MTPN: variants seen among roughly 807,000 people sequenced by gnomAD.
MTPN encodes the protein myotrophin.
MTPN carries 2 observed loss-of-function variants against 13.5 expected under a neutral mutation model. The ratio of observed to expected loss-of-function variants is 0.15; its 90% CI spans 0.06 to 0.47. The LOEUF (loss-of-function observed/expected upper bound fraction) is 0.47, where lower values mean the gene tolerates loss of function less well. Ranked by LOEUF, MTPN falls within the 20% of genes least tolerant of loss-of-function variation. MTPN has a pLI of 0.97. For synonymous variants in MTPN, 46 were observed against 51.7 expected, an observed-to-expected ratio of 0.89 and a Z score of 0.48; for missense variants, 79 against 137.9, an observed-to-expected ratio of 0.57 and a Z score of 2.14.
chr7:135,946,292 CTT>C (rs772746934), intron 3 of MTPN, among the ~76,000 whole-genome samples: 11 of 152,256 alleles, frequency 7.2e-5, no homozygotes, highest in Non-Finnish European at 1.3e-4. Flanking sequence ...CCTATAAACT[CTT>C]GTTTGGCTAC....
At chr7:135,971,643 G>A (rs1799694976) in intron 1 of MTPN, among the ~76,000 whole-genome samples, 1 of 152,024 alleles carries the variant, frequency 6.6e-6, no homozygotes, top group Non-Finnish European at 1.5e-5. Flanking sequence ...CTAAAATGGG[G>A]TTAACATTAT....
chr7:135,942,838 C>T (rs1799235508), intron 3 of MTPN, among the ~76,000 whole-genome samples: 1 of 152,126 alleles, frequency 6.6e-6, no homozygotes, highest in South Asian at 2.1e-4. Context: ...GTGTGTGGCA[C>T]CCCAGCACAT....
chr7:135,974,324 G>C (rs567041601), intron 1 of MTPN, among the ~76,000 whole-genome samples: 1 of 152,188 alleles, frequency 6.6e-6, no homozygotes, highest in South Asian at 2.1e-4. Context: ...CCAGAAGATC[G>C]CTTGAGGCTA....
chr7:135,937,684 A>G (rs1187740161), intron 3 of MTPN, among the ~76,000 whole-genome samples: 1 of 152,166 alleles, frequency 6.6e-6, no homozygotes, highest in Non-Finnish European at 1.5e-5. Flanking sequence ...AATTATAAGC[A>G]GATATTTTTC....
At chr7:135,961,761 T>C (rs1173845971) in intron 1 of MTPN, among the ~76,000 whole-genome samples, 2 of 151,788 alleles carry the variant, frequency 1.3e-5, no homozygotes, top group Non-Finnish European at 2.9e-5. Context: ...AAAAGCAAAA[T>C]ATGAAAATGT....
intron 3 of MTPN, among the ~76,000 whole-genome samples, chr7:135,943,797 G>T (rs1799247631): frequency 6.6e-6 from 1 of 152,144 alleles, no homozygotes; most frequent in South Asian, 2.1e-4. Context: ...AGAAAAAAAG[G>T]AAAACAAAAA....
intron 1 of MTPN, among the ~76,000 whole-genome samples, chr7:135,965,905 T>C (rs1033567410): frequency 5.9e-5 from 9 of 152,088 alleles, no homozygotes; most frequent in African/African-American, 2.2e-4. Context: ...CAAATACCAA[T>C]TAAATACAAA....
At chr7:135,974,209 G>A (rs1799738883) in intron 1 of MTPN, among the ~76,000 whole-genome samples, 1 of 152,112 alleles carries the variant, frequency 6.6e-6, no homozygotes, top group Admixed American at 6.5e-5. Flanking sequence ...GTAGAAAAGT[G>A]TAATTACTGA....
At chr7:135,944,000 G>T (rs1799250774) in intron 3 of MTPN, among the ~76,000 whole-genome samples, 1 of 152,044 alleles carries the variant, frequency 6.6e-6, no homozygotes, top group Admixed American at 6.5e-5. Flanking sequence ...TCATGCTGGG[G>T]TATAACTTTT....
At chr7:135,946,477 G>A (rs1799290454) in intron 3 of MTPN, among the ~76,000 whole-genome samples, 1 of 113,538 alleles carries the variant, frequency 8.8e-6, no homozygotes, top group African/African-American at 3.4e-5. Context: ...GCAGGGGTTG[G>A]CAAACATGGC....
At chr7:135,939,110 C>A (rs1416290985) in intron 3 of MTPN, among the ~76,000 whole-genome samples, 1 of 152,110 alleles carries the variant, frequency 6.6e-6, no homozygotes, top group African/African-American at 2.4e-5. Flanking sequence ...TGTCCAAGAG[C>A]GGAGGATCTG....
At chr7:135,951,727 G>C (rs1799366366) in intron 1 of MTPN, 97 bp from the exon 2 acceptor site, 1 of 693,914 alleles carries the variant, frequency 1.4e-6, no homozygotes, top group Non-Finnish European at 2.3e-6. Context: ...AAAGCCGTGA[G>C]AGTTTCATGA....
intron 1 of MTPN, among the ~76,000 whole-genome samples, chr7:135,962,901 C>A (rs1250246568): frequency 6.6e-6 from 1 of 151,990 alleles, no homozygotes; most frequent in African/African-American, 2.4e-5. Flanking sequence ...TGAAAAGAAA[C>A]AAATAATACT....
chr7:135,945,420 C>T (rs533545458), intron 3 of MTPN, among the ~76,000 whole-genome samples: 26 of 152,168 alleles, frequency 1.7e-4, no homozygotes, highest in Non-Finnish European at 4.4e-5. Flanking sequence ...GTACACTGCA[C>T]AGCTGTAGAA....
intron 1 of MTPN, among the ~76,000 whole-genome samples, chr7:135,954,723 A>G (rs911489270): frequency 6.6e-6 from 1 of 152,174 alleles, no homozygotes. Flanking sequence ...CGGGAGGATC[A>G]CGAGGTCAGG....
chr7:135,947,334 G>A (rs75783041), intron 3 of MTPN, among the ~76,000 whole-genome samples: 1 of 151,994 alleles, frequency 6.6e-6, no homozygotes, highest in Admixed American at 6.6e-5. Flanking sequence ...TCTTATTTGG[G>A]AATTTCTTCT....
intron 1 of MTPN, among the ~76,000 whole-genome samples, chr7:135,959,960 T>C (rs1218510559): frequency 1.3e-5 from 2 of 152,084 alleles, no homozygotes; most frequent in African/African-American, 2.4e-5. Context: ...TTTTTCCTTC[T>C]AGTATTTTAT....
intron 1 of MTPN, among the ~76,000 whole-genome samples, chr7:135,972,217 ACG>A (rs1211441246): frequency 8.4e-5 from 7 of 83,568 alleles, no homozygotes; most frequent in African/African-American, 2.8e-4. Flanking sequence ...ACACGCGCAC[ACG>A]CGCACGCGCG....
At chr7:135,968,448 A>C (rs1799638941) in intron 1 of MTPN, among the ~76,000 whole-genome samples, 1 of 152,070 alleles carries the variant, frequency 6.6e-6, no homozygotes, top group South Asian at 2.1e-4. Context: ...GAAAAAAAAA[A>C]TCAAGCTTCT....
Sources: allele counts gnomAD v4.1 joint callset (sites outside exome capture counted in the v4.1 genomes callset), GRCh38; gene constraint gnomAD v4.1.1; transcripts MANE v1.5; gene names NCBI Gene and HGNC (gene_info 2026-07-23, HGNC 2026-07-21).